ZC3H12B: variants seen among roughly 807,000 people sequenced by gnomAD.
ZC3H12B encodes the protein zinc finger CCCH-type containing 12B.
Under a neutral mutation model 43.9 loss-of-function variants are expected in ZC3H12B, and 7 were observed. The observed-to-expected ratio is 0.16, with a 90% confidence interval of 0.09 to 0.30. ZC3H12B has a LOEUF of 0.30. Among genes scored for constraint, ZC3H12B ranks in the 10% least tolerant of loss-of-function variants. The pLI, the probability that ZC3H12B is intolerant of heterozygous loss-of-function variation, is 1.00. For missense variants in ZC3H12B, 475 were observed against 670.2 expected (o/e 0.71, Z 3.22); for synonymous variants, 222 against 241.7 (o/e 0.92, Z 0.76).
the ZC3H12B span, among the ~76,000 whole-genome samples, chrX:65,294,987 C>G: frequency 1.8e-5 from 2 of 109,238 alleles, no homozygotes; most frequent in Admixed American, 9.8e-5. Context: ...TAACCTATAT[C>G]CTAGAAAAAA....
chrX:65,392,827 AAGAG>A (rs1334288653), intron 2 of ZC3H12B, among the ~76,000 whole-genome samples: 1 of 112,985 alleles, frequency 8.9e-6, no homozygotes, highest in Non-Finnish European at 1.9e-5. Flanking sequence ...GGGGAAAAGA[AAGAG>A]AGATCGGATT....
intron 3 of ZC3H12B, among the ~76,000 whole-genome samples, chrX:65,438,635 C>G (rs190476680): frequency 4.1e-4 from 46 of 112,960 alleles, no homozygotes; most frequent in Non-Finnish European, 7.9e-4. Context: ...AGCATTGTTT[C>G]TATAGATATT....
chrX:65,190,382 C>A, the ZC3H12B span, among the ~76,000 whole-genome samples: 6 of 110,917 alleles, frequency 5.4e-5, no homozygotes, highest in East Asian at 1.7e-3. Context: ...TGTAAATTAC[C>A]TTGGGCAGTA....
upstream of ZC3H12B, among the ~76,000 whole-genome samples, chrX:65,364,474 A>G (rs757133331): frequency 5.5e-5 from 6 of 109,598 alleles, no homozygotes; most frequent in Non-Finnish European, 1.1e-4. Flanking sequence ...AGATCCCATC[A>G]CTCAGGGCAG....
chrX:65,153,318 T>G, the ZC3H12B span, among the ~76,000 whole-genome samples: 1 of 111,532 alleles, frequency 9.0e-6, no homozygotes, highest in African/African-American at 3.3e-5. Flanking sequence ...GGGAGAAAAT[T>G]TTTGCAACCT....
At chrX:65,364,357 T>C (rs1435727778), upstream of ZC3H12B, among the ~76,000 whole-genome samples, 1 of 104,723 alleles carries the variant, frequency 9.5e-6, no homozygotes, top group Non-Finnish European at 1.9e-5. Context: ...ACAAGGGTCC[T>C]CCATCATTAG....
chrX:65,433,507 G>A (rs1200518279), intron 3 of ZC3H12B, among the ~76,000 whole-genome samples: 1 of 111,594 alleles, frequency 9.0e-6, no homozygotes, highest in African/African-American at 3.3e-5. Context: ...TGGAACTGGG[G>A]AACTAATCAC....
the ZC3H12B span, among the ~76,000 whole-genome samples, chrX:65,294,684 G>A: frequency 6.3e-5 from 7 of 111,833 alleles, no homozygotes; most frequent in Non-Finnish European, 9.4e-5. Flanking sequence ...TACACTAAAA[G>A]TGAGCAGGAG....
chrX:65,213,192 C>T, the ZC3H12B span, among the ~76,000 whole-genome samples: 2 of 109,433 alleles, frequency 1.8e-5, no homozygotes, highest in South Asian at 7.7e-4. Flanking sequence ...TTTTATTCAG[C>T]ACTTAAAAAA....
chrX:65,462,373 G>A (rs561588280), intron 3 of ZC3H12B, among the ~76,000 whole-genome samples: 28 of 110,761 alleles, frequency 2.5e-4, no homozygotes, highest in South Asian at 1.9e-3. Flanking sequence ...TTAGCCGGGC[G>A]TAGCGACAGG....
the ZC3H12B span, among the ~76,000 whole-genome samples, chrX:65,231,327 G>T: frequency 1.8e-5 from 2 of 110,972 alleles, no homozygotes; most frequent in African/African-American, 6.5e-5. Flanking sequence ...ACTGATGAGG[G>T]TCCATGTCTC....
exon 5 of ZC3H12B, chrX:65,502,769 C>A: frequency 4.1e-6 from 5 of 1,209,796 alleles, no homozygotes; most frequent in Non-Finnish European, 5.6e-6. Context: ...GGCAACCCCC[C>A]AGCCAGGCCG....
chrX:65,319,225 C>G, the ZC3H12B span, among the ~76,000 whole-genome samples: 2 of 111,002 alleles, frequency 1.8e-5, no homozygotes, highest in African/African-American at 6.6e-5. Flanking sequence ...TAAACACAAT[C>G]AGAAATGACA....
At chrX:65,071,365 T>C in the ZC3H12B span, among the ~76,000 whole-genome samples, 1 of 107,472 alleles carries the variant, frequency 9.3e-6, no homozygotes, top group South Asian at 4.2e-4. Flanking sequence ...GTATGGAAGA[T>C]GGGTCTCTTG....
At chrX:65,228,561 G>T in the ZC3H12B span, among the ~76,000 whole-genome samples, 21 of 110,844 alleles carry the variant, frequency 1.9e-4, no homozygotes, top group African/African-American at 6.9e-4. Context: ...AGGAAATAAA[G>T]GGTATTCAAT....
At chrX:65,323,845 T>C in the ZC3H12B span, among the ~76,000 whole-genome samples, 5 of 112,201 alleles carry the variant, frequency 4.5e-5, no homozygotes, top group Non-Finnish European at 9.4e-5. Context: ...TCTATTCCTC[T>C]CCAGCATCTG....
intron 3 of ZC3H12B, among the ~76,000 whole-genome samples, chrX:65,407,924 G>A (rs1171073863): frequency 8.8e-6 from 1 of 113,863 alleles, no homozygotes; most frequent in Non-Finnish European, 1.9e-5. Context: ...CGGGCGCCGA[G>A]TGGCCGGTAC....
the ZC3H12B span, among the ~76,000 whole-genome samples, chrX:65,291,872 G>A: frequency 8.9e-6 from 1 of 111,870 alleles, no homozygotes; most frequent in African/African-American, 3.2e-5. Context: ...AACATTACCT[G>A]CGTTAATTTC....
chrX:65,382,159 T>G (rs1419153491), intron 2 of ZC3H12B, among the ~76,000 whole-genome samples: 1 of 111,086 alleles, frequency 9.0e-6, no homozygotes, highest in Non-Finnish European at 1.9e-5. Flanking sequence ...AAAAAGAGAA[T>G]TTTAGACCAA....
Sources: allele counts gnomAD v4.1 joint callset (sites outside exome capture counted in the v4.1 genomes callset), GRCh38; gene constraint gnomAD v4.1.1; transcripts MANE v1.5; gene names NCBI Gene and HGNC (gene_info 2026-07-23, HGNC 2026-07-21).